AIG1: variants seen among roughly 807,000 people sequenced by gnomAD.
The protein encoded by AIG1 is androgen-induced gene 1 protein.
A neutral mutation model predicts 31.4 loss-of-function variants in AIG1; 23 were observed. That is an observed-to-expected ratio of 0.73 (90% confidence interval 0.53 to 1.04). The LOEUF (loss-of-function observed/expected upper bound fraction) is 1.04, where lower values mean the gene tolerates loss of function less well. AIG1 is among the 50% of genes least tolerant of loss of function. AIG1 has a pLI of 0.00. For missense variants in AIG1, 274 were observed against 295.0 expected (o/e 0.93, Z 0.52); for synonymous variants, 100 against 110.5 (o/e 0.90, Z 0.60).
At chr6:143,225,693 G>A (rs547037235) in intron 3 of AIG1, among the ~76,000 whole-genome samples, 46 of 152,186 alleles carry the variant, frequency 3.0e-4, no homozygotes, top group African/African-American at 9.4e-4. Flanking sequence ...TCCAAGAAGC[G>A]AATTTTACAT....
Position 143,282,382 on chromosome 6 carries a change from C to T in AIG1, c.400-1728C>T, listed in dbSNP as rs183093372. On this transcript the variant is annotated intron_variant, in intron 3 of 5. Transcript: ENST00000357847. ...TTGCTAGCTGTATATTTGAATTTTG[C>T]GTGAATGCACCATTGTAAAACTATT... Among the ~76,000 whole-genome samples the T allele has an allele frequency of 1.2e-4, 19 of 152,204 alleles. No individual in the cohort carries two copies. In the East Asian group the frequency reaches 3.5e-3, roughly 28 times the overall value.
intron 2 of AIG1, among the ~76,000 whole-genome samples, chr6:143,158,890 CACATCCATGCTA>C (rs1786054151): frequency 6.6e-6 from 1 of 152,224 alleles, no homozygotes; most frequent in Non-Finnish European, 1.5e-5. Flanking sequence ...AAATTTTTAT[CACATCCATGCTA>C]TATGCCAGGC....
intron 1 of AIG1, among the ~76,000 whole-genome samples, chr6:143,085,623 T>C (rs1478781790): frequency 1.3e-5 from 2 of 152,208 alleles, no homozygotes; most frequent in Non-Finnish European, 2.9e-5. Context: ...AGAGAGGGTG[T>C]AGGTAACCTT....
At chr6:143,106,648 G>T (rs1232852371) in intron 1 of AIG1, among the ~76,000 whole-genome samples, 1 of 152,178 alleles carries the variant, frequency 6.6e-6, no homozygotes, top group Non-Finnish European at 1.5e-5. Context: ...CATATATACT[G>T]TTTTCCCAAT....
At chr6:143,162,283 G>C (rs1228431508) in intron 2 of AIG1, among the ~76,000 whole-genome samples, 1 of 152,144 alleles carries the variant, frequency 6.6e-6, no homozygotes, top group Non-Finnish European at 1.5e-5. Context: ...CCCAAGTTAG[G>C]GGATACAAAT....
intron 3 of AIG1, chr6:143,187,597 A>G (rs1789383618): frequency 1.3e-6 from 2 of 1,536,118 alleles, no homozygotes; most frequent in East Asian, 4.9e-5. Flanking sequence ...AGAGAAGGCA[A>G]TTAAAAGATG....
chr6:143,224,148 A>G (rs1261146919), intron 3 of AIG1, among the ~76,000 whole-genome samples: 1 of 152,208 alleles, frequency 6.6e-6, no homozygotes, highest in East Asian at 1.9e-4. Context: ...TGGAAGGCAC[A>G]CAAATCTGTA....
At chr6:143,066,564 C>T (rs1013296647) in intron 1 of AIG1, among the ~76,000 whole-genome samples, 13 of 152,038 alleles carry the variant, frequency 8.6e-5, no homozygotes, top group East Asian at 1.9e-4. Context: ...TGAGCCACCG[C>T]GCCTGGCCTG....
intron 4 of AIG1, among the ~76,000 whole-genome samples, chr6:143,285,561 G>A (rs1797629614): frequency 6.6e-6 from 1 of 151,776 alleles, no homozygotes; most frequent in African/African-American, 2.4e-5. Context: ...TACTCGGGAG[G>A]CTGAGGTGTT....
chr6:143,079,084 A>G (rs893031492), intron 1 of AIG1, among the ~76,000 whole-genome samples: 18 of 150,790 alleles, frequency 1.2e-4, no homozygotes, highest in Admixed American at 1.1e-3. Context: ...AGCAGGAGAA[A>G]AGAGAGAGAG....
intron 1 of AIG1, among the ~76,000 whole-genome samples, chr6:143,109,799 T>G (rs1335938132): frequency 1.3e-5 from 2 of 152,222 alleles, no homozygotes; most frequent in Non-Finnish European, 1.5e-5. Context: ...GTTATATACA[T>G]GACAAATATA....
intron 1 of AIG1, among the ~76,000 whole-genome samples, chr6:143,132,315 T>A (rs1360157873): frequency 6.6e-6 from 1 of 152,194 alleles, no homozygotes; most frequent in Non-Finnish European, 1.5e-5. Context: ...TCTAATGATA[T>A]TTAATTCTCT....
chr6:143,173,663 A>G (rs1053118786), intron 3 of AIG1, among the ~76,000 whole-genome samples: 1 of 152,010 alleles, frequency 6.6e-6, no homozygotes, highest in African/African-American at 2.4e-5. Flanking sequence ...TTCAGGAGCA[A>G]CTTCTTTAAT....
chr6:143,080,159 T>C (rs751222527), intron 1 of AIG1, among the ~76,000 whole-genome samples: 2 of 152,164 alleles, frequency 1.3e-5, no homozygotes, highest in Non-Finnish European at 2.9e-5. Flanking sequence ...ACCCAAGTGC[T>C]GTTGGGGAGG....
chr6:143,275,307 G>C (rs1209345258), intron 3 of AIG1, among the ~76,000 whole-genome samples: 1 of 152,120 alleles, frequency 6.6e-6, no homozygotes, highest in Non-Finnish European at 1.5e-5. Context: ...CGACTTGACA[G>C]ATAAATCTCT....
Position 143,334,062 on chromosome 6 carries a change from T to A in AIG1, c.679+617T>A, listed in dbSNP as rs2128724185. ...AACCTGTGATTTGATTTCTCTTTTG[T>A]TTCCATTTATGGCAGAGCCTCCATC... is the stretch of plus-strand genomic sequence containing the variant. On this transcript the variant is annotated intron_variant, in intron 5 of 5. Transcript: ENST00000357847. This position sits in a 1 kb window ranked among gnomAD's most constrained non-coding sequence, Gnocchi z 5.1. The A allele has an allele frequency of 6.4e-7, 1 of 1,550,488 alleles. No homozygotes were observed. Among genetic ancestry groups the A allele is most frequent in the African/African-American group, 1.4e-5 (1 of 73,172 alleles).
Position 143,340,016 on chromosome 6 carries a change from T to A in AIG1, c.*340T>A, listed in dbSNP as rs1265218887. On this transcript the variant is annotated 3_prime_UTR_variant, in exon 6 of 6. Transcript: ENST00000357847. ...AAGAAAGAATAAAAGTTTATTGCAC[T>A]TCTTTTTGAGAAATATGTTAAAGTC... is the stretch of plus-strand genomic sequence containing the variant. 5.0e-6 allele frequency: 1 copy of A among 199,302 alleles called. No homozygotes were observed. The highest frequency in any genetic ancestry group is 2.3e-5 in the African/African-American group (1 of 42,602). The allele number at this position is 199,302 out of a possible 1,614,324, so 12.3% of individuals were successfully genotyped here.
chr6:143,272,211 C>T (rs577513456), intron 3 of AIG1, among the ~76,000 whole-genome samples: 11 of 152,236 alleles, frequency 7.2e-5, no homozygotes, highest in African/African-American at 1.2e-4. Context: ...GGATTAACTC[C>T]GCCCGAGACA....
chr6:143,307,378 A>G (rs1283466089), intron 4 of AIG1, among the ~76,000 whole-genome samples: 2 of 151,826 alleles, frequency 1.3e-5, no homozygotes, highest in African/African-American at 4.8e-5. Context: ...TGGGTTTTTG[A>G]TGTGGATGTC....
Sources: gnomAD v4.1 joint callset for allele counts (sites outside exome capture counted in the v4.1 genomes callset) on GRCh38, gnomAD v4.1.1 for gene constraint, Gnocchi (gnomAD v3.1) non-coding constraint, MANE v1.5 for transcripts, NCBI Gene and HGNC (gene_info 2026-07-23, HGNC 2026-07-21) for gene names.